STAU1: variants seen among roughly 807,000 people sequenced by gnomAD.
The protein encoded by STAU1 is staufen double-stranded RNA binding protein 1.
In STAU1, 13 loss-of-function variants were observed where a neutral mutation model predicts 62.9. That is an observed-to-expected ratio of 0.21 (90% CI 0.13 to 0.33). The LOEUF is 0.33. Among genes scored for constraint, STAU1 ranks in the 10% least tolerant of loss-of-function variants. STAU1 has a pLI of 1.00. For synonymous variants in STAU1, 269 were observed against 265.1 expected, an observed-to-expected ratio of 1.01 and a Z score of -0.14; for missense variants, 571 against 712.1, an observed-to-expected ratio of 0.80 and a Z score of 2.25.
intron 4 of STAU1, 40 bp from the exon 5 acceptor site, chr20:49,151,787 T>C: frequency 6.3e-7 from 1 of 1,580,792 alleles, no homozygotes; most frequent in Non-Finnish European, 8.6e-7. Context: ...CAGTCTCAAG[T>C]TGATAAGTCA....
rs1382996666 is a variant in STAU1 at position 49,119,961 on chromosome 20, C to T, written c.1113+21G>A. On this transcript the variant is annotated intron_variant, in intron 9 of 13. Coordinates refer to ENST00000371856, the MANE Select transcript of STAU1 (RefSeq NM_017453.4). ...GTGAGGCGAGAGACCATCTTGCAAT[C>T]AGAGAGCCCACAGCACTCACCTTCT... The T allele has an allele frequency of 1.9e-6, 3 of 1,607,986 alleles. No homozygotes were observed. In the African/African-American group the frequency reaches 4.0e-5, roughly 22 times the overall value.
chr20:49,129,271 TA>T lies in STAU1; in HGVS notation c.610-4685del, dbSNP rs1299489657. The stretch of plus-strand genomic sequence containing the variant: ...TACTGACTACCTGCTAGAATGACTT[TA>T]AAAAAAAATTTTTTTTTTTTTTTTT... On this transcript the variant is annotated intron_variant, in intron 6 of 13. Transcript: ENST00000371856. Among the ~76,000 whole-genome samples, 938 of 131,184 alleles carry T rather than the reference TA, an allele frequency of 7.2e-3. 107 individuals carry two copies. The highest frequency in any genetic ancestry group is 0.014 in the South Asian group (62 of 4,310). 86.1% of individuals were successfully genotyped at this position (131,184 alleles called of 152,430 possible). A position where few individuals can be genotyped will look rare whatever the true frequency, so the allele number is the denominator to read the frequency against.
At chr20:49,128,183 G>C (rs2092673447) in intron 6 of STAU1, among the ~76,000 whole-genome samples, 1 of 148,174 alleles carries the variant, frequency 6.7e-6, no homozygotes, top group African/African-American at 2.6e-5. Flanking sequence ...AATTAGCCCA[G>C]TGTGTGGTGG....
the STAU1 span, among the ~76,000 whole-genome samples, chr20:49,216,546 A>T: frequency 0.21 from 24,496 of 117,476 alleles, 2,411 homozygotes; most frequent in East Asian, 0.45. Context: ...GTAATTAATT[A>T]AAAAAAATTA....
Position 49,114,830 on chromosome 20 carries a change from T to C in STAU1, c.*48A>G, listed in dbSNP as rs2092274150. The C allele has an allele frequency of 1.9e-6, 3 of 1,598,850 alleles. No homozygotes were observed. The highest frequency in any genetic ancestry group is 2.6e-6 in the Non-Finnish European group (3 of 1,167,574). On this transcript the variant is annotated 3_prime_UTR_variant, in exon 14 of 14. Coordinates refer to ENST00000371856, the MANE Select transcript of STAU1 (RefSeq NM_017453.4). ...AAATTTTCAAAGCAGTTTCAGTATT[T>C]TCAGTATATATGTTGGGATTTTATA...
At chr20:49,118,503 A>G in intron 9 of STAU1, 95 bp from the exon 10 acceptor site, 16 of 975,188 alleles carry the variant, frequency 1.6e-5, no homozygotes, top group African/African-American at 1.6e-5. Context: ...AAGTCCAGTC[A>G]GCAATAACTG....
chr20:49,169,160 G>C (rs2093565834), intron 2 of STAU1, among the ~76,000 whole-genome samples: 1 of 151,954 alleles, frequency 6.6e-6, no homozygotes, highest in South Asian at 2.1e-4. Flanking sequence ...ATGCTGGCCA[G>C]GCTGATCTTG....
chr20:49,160,111 T>C (rs2093425388), intron 3 of STAU1, among the ~76,000 whole-genome samples: 1 of 152,186 alleles, frequency 6.6e-6, no homozygotes, highest in African/African-American at 2.4e-5. Context: ...ACCTATTTGG[T>C]GGGTATTATC....
chr20:49,166,459 G>A (rs2093528032), intron 2 of STAU1, among the ~76,000 whole-genome samples, 174 bp from the exon 3 acceptor site: 1 of 152,110 alleles, frequency 6.6e-6, no homozygotes, highest in Admixed American at 6.5e-5. Flanking sequence ...TAAGTTTCTT[G>A]GCCTTGTGAC....
chr20:49,115,347 C>T (rs2092292557), intron 13 of STAU1, among the ~76,000 whole-genome samples: 1 of 152,114 alleles, frequency 6.6e-6, no homozygotes, highest in African/African-American at 2.4e-5. Context: ...GTCGCCCAGG[C>T]TGGAGTGCAG....
At chr20:49,204,672 T>G in the STAU1 span, among the ~76,000 whole-genome samples, 1 of 79,190 alleles carries the variant, frequency 1.3e-5, no homozygotes, top group Non-Finnish European at 2.5e-5. Flanking sequence ...TTTTTTTTTT[T>G]GAGATGGAGT....
intron 5 of STAU1, among the ~76,000 whole-genome samples, chr20:49,144,678 T>C (rs1200277275): frequency 6.6e-6 from 1 of 152,148 alleles, no homozygotes; most frequent in Non-Finnish European, 1.5e-5. Flanking sequence ...AAAAGGAGAC[T>C]CAAAAGATGG....
At chr20:49,173,889 A>G (rs1373708555) in intron 2 of STAU1, among the ~76,000 whole-genome samples, 2 of 152,254 alleles carry the variant, frequency 1.3e-5, no homozygotes, top group East Asian at 1.9e-4. Flanking sequence ...TTTTAAAAAA[A>G]GCAAACTACA....
At chr20:49,160,136 G>A (rs563968124) in intron 3 of STAU1, among the ~76,000 whole-genome samples, 2 of 152,224 alleles carry the variant, frequency 1.3e-5, no homozygotes, top group East Asian at 3.9e-4. Context: ...TTTTACACAT[G>A]AGGAAACAAC....
chr20:49,167,892 A>G (rs1388440725), intron 2 of STAU1, among the ~76,000 whole-genome samples: 1 of 152,156 alleles, frequency 6.6e-6, no homozygotes. Flanking sequence ...AAAATGAGCT[A>G]GGAGTAAAGT....
At chr20:49,147,680 G>A (rs1354671154) in intron 5 of STAU1, among the ~76,000 whole-genome samples, 1 of 152,162 alleles carries the variant, frequency 6.6e-6, no homozygotes, top group Non-Finnish European at 1.5e-5. Flanking sequence ...TTATAAGAGG[G>A]AAAATGCAAA....
At chr20:49,176,840 G>T (rs1009056207) in intron 1 of STAU1, among the ~76,000 whole-genome samples, 2 of 151,168 alleles carry the variant, frequency 1.3e-5, no homozygotes, top group Non-Finnish European at 1.5e-5. Context: ...AACAATTTTT[G>T]TAAGTTTGGG....
chr20:49,182,925 T>C (rs1399601567), intron 1 of STAU1, among the ~76,000 whole-genome samples: 2 of 152,090 alleles, frequency 1.3e-5, no homozygotes, highest in Non-Finnish European at 2.9e-5. Context: ...TAAAGAGATG[T>C]ACAATAAAAC....
intron 3 of STAU1, among the ~76,000 whole-genome samples, 159 bp downstream of exon 3, chr20:49,165,838 A>G (rs1478808666): frequency 6.6e-6 from 1 of 152,100 alleles, no homozygotes; most frequent in East Asian, 1.9e-4. Context: ...CCCTTACACA[A>G]CCAGTGTTCT....
Sources: gnomAD v4.1 joint callset for allele counts (sites outside exome capture counted in the v4.1 genomes callset) on GRCh38, gnomAD v4.1.1 for gene constraint, MANE v1.5 for transcripts, NCBI Gene and HGNC (gene_info 2026-07-23, HGNC 2026-07-21) for gene names.